The following COX16 variants were observed in gnomAD, a reference collection of about 807,000 sequenced individuals.
COX16 encodes cytochrome c oxidase assembly protein COX16 homolog, mitochondrial.
Under a neutral mutation model 15.4 loss-of-function variants are expected in COX16, and 12 were observed. The observed-to-expected ratio is 0.78, with a 90% CI of 0.50 to 1.26. The LOEUF (loss-of-function observed/expected upper bound fraction) is 1.26, where lower values mean the gene tolerates loss of function less well. Among genes scored for constraint, COX16 ranks in the 50% most tolerant of loss-of-function variants. The probability of loss-of-function intolerance (pLI) is 0.00; values close to 1 mark genes in which losing one functional copy is unlikely to be tolerated. For synonymous variants in COX16, 46 were observed against 41.1 expected, an observed-to-expected ratio of 1.12 and a Z score of -0.46; for missense variants, 124 against 127.6, an observed-to-expected ratio of 0.97 and a Z score of 0.14.
rs1886143630 is a variant in COX16 at position 70,328,072 on chromosome 14, A to ATTTTTTTTGTTTTTTTTTTT, written c.204+1101_204+1102insAAAAAAAAAAACAAAAAAAA. The ATTTTTTTTGTTTTTTTTTTT allele has an allele frequency of 2.5e-5, 2 of 80,840 alleles. 1 individual carries two copies. The highest frequency in any genetic ancestry group is 4.4e-5 in the Non-Finnish European group (2 of 45,394). 5.0% of individuals were successfully genotyped at this position (80,840 alleles called of 1,614,324 possible). ...AGTAAAAATTATGCCTGAGAATAAGATTTTTTTTTTTTTTTTTTTTTTTTT... is the reference window on the plus strand; with the variant it reads ...AGTAAAAATTATGCCTGAGAATAAGATTTTTTTTGTTTTTTTTTTTTTTTTTTTTTTTTTTTTTTTTTTTT... On this transcript the variant is annotated intron_variant, in intron 3 of 3. Coordinates refer to ENST00000389912, the MANE Select transcript of COX16 (RefSeq NM_016468.7).
chr14:70,333,334 G>C (rs917404078), intron 2 of COX16, among the ~76,000 whole-genome samples: 1 of 152,146 alleles, frequency 6.6e-6, no homozygotes, highest in Admixed American at 6.5e-5. Context: ...TTCAAGAAAA[G>C]ACAGAGAGCC....
At chr14:70,327,293 A>C (rs1360281972) in intron 3 of COX16, among the ~76,000 whole-genome samples, 1 of 152,044 alleles carries the variant, frequency 6.6e-6, no homozygotes, top group Non-Finnish European at 1.5e-5. Flanking sequence ...AATTTAAGCC[A>C]CCTGGGCATT....
At chr14:70,328,103 G>C (rs12888630) in intron 3 of COX16, 2 of 41,330 alleles carry the variant, frequency 4.8e-5, no homozygotes, top group South Asian at 1.7e-3. Context: ...TTTTTGAGAC[G>C]GAGTCTCGTT....
At chr14:70,344,703 C>T (rs556542790) in intron 1 of COX16, among the ~76,000 whole-genome samples, 32 of 152,286 alleles carry the variant, frequency 2.1e-4, no homozygotes, top group African/African-American at 7.5e-4. Flanking sequence ...CAACTCATCC[C>T]TTCTCAGGCC....
chr14:70,339,483 C>T (rs1886561118), intron 2 of COX16, among the ~76,000 whole-genome samples: 1 of 152,100 alleles, frequency 6.6e-6, no homozygotes, highest in African/African-American at 2.4e-5. Flanking sequence ...ACCCCAAATC[C>T]ATATTGTGCT....
At chr14:70,353,491 G>GAGAT (rs150806868) in intron 1 of COX16, among the ~76,000 whole-genome samples, 41,150 of 149,016 alleles carry the variant, frequency 0.28, 7,215 homozygotes, top group Admixed American at 0.39. Context: ...CACACACATA[G>GAGAT]AGATAGATAG....
At chr14:70,341,433 A>G (rs748045696) in intron 2 of COX16, among the ~76,000 whole-genome samples, 4 of 152,228 alleles carry the variant, frequency 2.6e-5, no homozygotes, top group Non-Finnish European at 5.9e-5. Flanking sequence ...TAAAATACAT[A>G]TATTACTTGA....
At chr14:70,341,245 T>C (rs539874111) in intron 2 of COX16, among the ~76,000 whole-genome samples, 1 of 152,312 alleles carries the variant, frequency 6.6e-6, no homozygotes, top group East Asian at 1.9e-4. Context: ...CCTCATTAAA[T>C]AAAATTGTTC....
intron 2 of COX16, among the ~76,000 whole-genome samples, chr14:70,334,438 G>A (rs149735058): frequency 1.6e-4 from 25 of 152,274 alleles, no homozygotes; most frequent in African/African-American, 5.3e-4. Flanking sequence ...CAGAAGAATC[G>A]CTTGGAAGGC....
At chr14:70,346,179 G>C (rs114792365) in intron 1 of COX16, among the ~76,000 whole-genome samples, 1 of 152,030 alleles carries the variant, frequency 6.6e-6, no homozygotes, top group African/African-American at 2.4e-5. Context: ...ATCCACCCCC[G>C]ATATTCGGTG....
intron 3 of COX16, among the ~76,000 whole-genome samples, chr14:70,327,249 C>T (rs1168635489): frequency 6.6e-6 from 1 of 152,172 alleles, no homozygotes; most frequent in Non-Finnish European, 1.5e-5. Flanking sequence ...AAGCATTACT[C>T]TCTTACTAAC....
chr14:70,359,556 C>A lies in COX16; in HGVS notation c.32G>T (p.Arg11Leu), dbSNP rs771092578. ...TCCATAGCCGAGAGTCTTGTTCTTGCGAAAAGCACGCATCACCGCGGGTGC... is the reference window on the plus strand; with the variant it reads ...TCCATAGCCGAGAGTCTTGTTCTTGAGAAAAGCACGCATCACCGCGGGTGC... Reference protein sequence around the residue: MFAPAVMRAFRKNKTLGYGVP... With the variant: MFAPAVMRAFLKNKTLGYGVP... Residue 11 changes from arginine to leucine, a missense_variant, in exon 1 of 4, where the codon CGC becomes CTC. Coordinates refer to ENST00000389912, the MANE Select transcript of COX16 (RefSeq NM_016468.7). 3.1e-6 allele frequency: 5 copies of A among 1,613,986 alleles called. No individual in the cohort carries two copies. Among genetic ancestry groups the A allele is most frequent in the Non-Finnish European group, 4.2e-6 (5 of 1,180,002 alleles).
intron 1 of COX16, among the ~76,000 whole-genome samples, chr14:70,346,677 A>T (rs1886793288): frequency 1.3e-5 from 2 of 149,896 alleles, no homozygotes; most frequent in Admixed American, 1.3e-4. Context: ...GTAGGCCAGT[A>T]TTTTTTTTTT....
In COX16 at chr14:70,342,696, C is replaced by G; in HGVS notation, c.103G>C (p.Glu35Gln). 6.2e-7 allele frequency: 1 copy of G among 1,613,120 alleles called. No homozygotes were observed. Among genetic ancestry groups the G allele is most frequent in the African/African-American group, 1.3e-5 (1 of 74,972 alleles). ...LIVGGSFGLR[E>Q]FSQIRYDAVK... is the part of the protein sequence containing the mutation. Reference sequence around the variant, plus strand: ...GCATCATATCGGATTTGAGAAAACTCACGAAGACCAAAAGAACCTCCAACA... The same window carrying G: ...GCATCATATCGGATTTGAGAAAACTGACGAAGACCAAAAGAACCTCCAACA... Residue 35 changes from glutamate to glutamine, a missense_variant, in exon 2 of 4, where the codon GAG becomes CAG. By Grantham distance (29) the Glu-to-Gln change is conservative. Coordinates refer to ENST00000389912, the MANE Select transcript of COX16 (RefSeq NM_016468.7).
intron 2 of COX16, among the ~76,000 whole-genome samples, chr14:70,335,596 A>G (rs1023626002): frequency 1.7e-5 from 2 of 118,460 alleles, no homozygotes; most frequent in African/African-American, 3.9e-5. Context: ...CTGAATGACC[A>G]AAGAGTTAAA....
chr14:70,350,347 C>A (rs377058940), intron 1 of COX16, among the ~76,000 whole-genome samples: 1 of 152,304 alleles, frequency 6.6e-6, no homozygotes. Context: ...TTCGTCCCGT[C>A]CTCACTTGGG....
chr14:70,355,593 T>TTA, intron 1 of COX16, among the ~76,000 whole-genome samples: 1 of 152,302 alleles, frequency 6.6e-6, no homozygotes, highest in African/African-American at 2.4e-5. Flanking sequence ...GCCCAAAATA[T>TTA]TATAGTAGGC....
intron 1 of COX16, among the ~76,000 whole-genome samples, chr14:70,343,940 CAG>C: frequency 6.6e-6 from 1 of 152,208 alleles, no homozygotes; most frequent in East Asian, 1.9e-4. Context: ...ATTCAGGGAT[CAG>C]AGTTTTTAGA....
intron 2 of COX16, among the ~76,000 whole-genome samples, chr14:70,338,323 G>C (rs1886520640): frequency 6.6e-6 from 1 of 152,154 alleles, no homozygotes; most frequent in Non-Finnish European, 1.5e-5. Context: ...ATATTGCCCA[G>C]GCTGGTCCTG....
Sources: allele counts gnomAD v4.1 joint callset (sites outside exome capture counted in the v4.1 genomes callset), GRCh38; gene constraint gnomAD v4.1.1; transcripts MANE v1.5; gene names NCBI Gene and HGNC (gene_info 2026-07-23, HGNC 2026-07-21).